Variants in ADAMTSL1 observed in about 807,000 individuals in gnomAD.
ADAMTSL1 encodes the protein ADAMTS like 1, also known as ADAMTS-like protein 1.
Under a neutral mutation model 201.8 loss-of-function variants are expected in ADAMTSL1, and 126 were observed. The ratio of observed to expected loss-of-function variants is 0.62; its 90% CI spans 0.54 to 0.72. ADAMTSL1 has a LOEUF of 0.72. ADAMTSL1 is among the 30% of genes least tolerant of loss of function. The pLI, the probability that ADAMTSL1 is intolerant of heterozygous loss-of-function variation, is 0.00. For synonymous variants in ADAMTSL1, 1,121 were observed against 903.4 expected (o/e 1.24, Z -4.32); for missense variants, 2,679 against 2,277.8 (o/e 1.18, Z -3.59).
intron 2 of ADAMTSL1, among the ~76,000 whole-genome samples, chr9:18,244,224 G>T (rs1831175278): frequency 6.6e-6 from 1 of 152,064 alleles, no homozygotes; most frequent in South Asian, 2.1e-4. Flanking sequence ...TTTGCCAAGA[G>T]TGTGGAAGAG....
At chr9:18,886,716 GA>G (rs1828923826) in intron 23 of ADAMTSL1, among the ~76,000 whole-genome samples, 2 of 152,150 alleles carry the variant, frequency 1.3e-5, no homozygotes. Flanking sequence ...CATTCGTGAG[GA>G]CAGAGCCCAT....
intron 23 of ADAMTSL1, among the ~76,000 whole-genome samples, chr9:18,845,535 C>T (rs1166064619): frequency 6.6e-6 from 1 of 152,244 alleles, no homozygotes; most frequent in Non-Finnish European, 1.5e-5. Context: ...TCTTAGAGCC[C>T]TTCCAGCCAT....
At position 18,139,906 on chromosome 9, in the gene ADAMTSL1, C is replaced by T. The variant is rs1826325083; in HGVS notation, c.88-23956C>T. 2.0e-5 allele frequency among the ~76,000 whole-genome samples: 3 copies of T among 152,066 alleles called. No individual in the cohort carries two copies. In the South Asian group the frequency reaches 6.2e-4, roughly 32 times the overall value. On this transcript the variant is annotated intron_variant, in intron 1 of 29. Coordinates refer to the ADAMTSL1 transcript ENST00000680146. ...GCCAGTCACCAAAGCTCATATCCTC[C>T]TCTGTCTCCAGAGACTGATGAAATT...
chr9:18,241,985 G>A (rs1385422251), intron 2 of ADAMTSL1, among the ~76,000 whole-genome samples: 1 of 152,016 alleles, frequency 6.6e-6, no homozygotes, highest in Non-Finnish European at 1.5e-5. Flanking sequence ...AATTACTCGA[G>A]GGGGAGTACT....
At chr9:18,121,615 T>G (rs1021693233) in intron 1 of ADAMTSL1, among the ~76,000 whole-genome samples, 1 of 152,208 alleles carries the variant, frequency 6.6e-6, no homozygotes, top group Admixed American at 6.5e-5. Flanking sequence ...CTAAAAGAGA[T>G]AATTTTTATT....
chr9:18,332,260 T>A (rs1159822025), intron 2 of ADAMTSL1, among the ~76,000 whole-genome samples: 2 of 152,216 alleles, frequency 1.3e-5, no homozygotes, highest in Non-Finnish European at 2.9e-5. Context: ...TATGTACTAT[T>A]TGAGAAAAAC....
chr9:17,979,539 T>A (rs1588513909), intron 1 of ADAMTSL1, among the ~76,000 whole-genome samples: 1 of 141,778 alleles, frequency 7.1e-6, no homozygotes, highest in African/African-American at 2.5e-5. Flanking sequence ...TTTTTTTTTT[T>A]ATTTCTGTCT....
At chr9:18,771,676 A>G (rs1001276533) in intron 17 of ADAMTSL1, among the ~76,000 whole-genome samples, 3 of 136,286 alleles carry the variant, frequency 2.2e-5, no homozygotes, top group Non-Finnish European at 3.2e-5. Flanking sequence ...GCATATAAGC[A>G]TTTGAATTTG....
At chr9:18,775,677 G>A (rs1391320809) in intron 17 of ADAMTSL1, 66 bp from the exon 18 acceptor site, 2 of 1,556,846 alleles carry the variant, frequency 1.3e-6, no homozygotes, top group Non-Finnish European at 1.7e-6. Context: ...GAGTTTGACA[G>A]TCTATTAAAA....
intron 1 of ADAMTSL1, among the ~76,000 whole-genome samples, chr9:18,058,618 T>G (rs1288089260): frequency 6.6e-6 from 1 of 152,154 alleles, no homozygotes; most frequent in Non-Finnish European, 1.5e-5. Context: ...ATTTCTCACA[T>G]AAGAAAAACT....
At chr9:18,793,944 A>G (rs577244568) in intron 19 of ADAMTSL1, among the ~76,000 whole-genome samples, 1 of 152,178 alleles carries the variant, frequency 6.6e-6, no homozygotes, top group Non-Finnish European at 1.5e-5. Context: ...ATAAATCTAG[A>G]AAAGAAAAAA....
chr9:18,550,387 A>G (rs769581055), intron 3 of ADAMTSL1, among the ~76,000 whole-genome samples: 3 of 151,886 alleles, frequency 2.0e-5, no homozygotes, highest in Non-Finnish European at 2.9e-5. Flanking sequence ...GATTGTAGCA[A>G]AAGAAACCAG....
intron 22 of ADAMTSL1, 92 bp downstream of exon 22, chr9:18,826,555 A>G: frequency 1.4e-6 from 2 of 1,404,186 alleles, no homozygotes; most frequent in Non-Finnish European, 1.9e-6. Flanking sequence ...TAATCCAATT[A>G]AGGACATAAA....
intron 1 of ADAMTSL1, among the ~76,000 whole-genome samples, chr9:18,139,912 C>G (rs931098790): frequency 4.6e-5 from 7 of 152,064 alleles, no homozygotes; most frequent in African/African-American, 1.7e-4. Flanking sequence ...CCTCCTCTGT[C>G]TCCAGAGACT....
chr9:18,090,879 G>T (rs1823982296), intron 1 of ADAMTSL1, among the ~76,000 whole-genome samples: 1 of 151,206 alleles, frequency 6.6e-6, no homozygotes. Flanking sequence ...GCTTTTTTCT[G>T]GTGGTTTTCT....
chr9:17,927,138 A>C (rs568025914), intron 1 of ADAMTSL1, among the ~76,000 whole-genome samples: 1 of 152,292 alleles, frequency 6.6e-6, no homozygotes, highest in African/African-American at 2.4e-5. Flanking sequence ...ACCTTACATA[A>C]GTTGGAATCA....
chr9:18,277,622 G>T (rs1297276667), intron 2 of ADAMTSL1, among the ~76,000 whole-genome samples: 5 of 152,068 alleles, frequency 3.3e-5, no homozygotes. Flanking sequence ...CCAGTTACAT[G>T]GGCTGTTTCT....
At chr9:18,626,754 G>A (rs1229201052) in intron 5 of ADAMTSL1, among the ~76,000 whole-genome samples, 3 of 152,302 alleles carry the variant, frequency 2.0e-5, no homozygotes, top group Admixed American at 1.3e-4. Context: ...ACCAGTAGCT[G>A]TGGAAATGAT....
intron 15 of ADAMTSL1, among the ~76,000 whole-genome samples, chr9:18,721,881 C>T (rs1176072070): frequency 6.6e-6 from 1 of 152,186 alleles, no homozygotes. Flanking sequence ...TGGAAGATAC[C>T]GTGCATTCAC....
Sources: gnomAD v4.1 joint callset for allele counts (sites outside exome capture counted in the v4.1 genomes callset) on GRCh38, gnomAD v4.1.1 for gene constraint, MANE v1.5 for transcripts, NCBI Gene and HGNC (gene_info 2026-07-23, HGNC 2026-07-21) for gene names.